The following PRKCE variants were observed in gnomAD, a reference collection of about 807,000 sequenced individuals.
PRKCE encodes protein kinase C epsilon type.
In PRKCE, 16 loss-of-function variants were observed where a neutral mutation model predicts 85.4. That is an observed-to-expected ratio of 0.19 (90% CI 0.13 to 0.28). The LOEUF is 0.28. Among genes scored for constraint, PRKCE ranks in the 10% least tolerant of loss-of-function variants. The pLI is 1.00. For missense variants in PRKCE, 573 were observed against 975.2 expected (o/e 0.59, Z 5.49); for synonymous variants, 388 against 371.5 (o/e 1.04, Z -0.51).
intron 1 of PRKCE, among the ~76,000 whole-genome samples, chr2:45,696,647 C>A (rs777876616): frequency 2.0e-5 from 3 of 152,188 alleles, no homozygotes; most frequent in Non-Finnish European, 4.4e-5. Flanking sequence ...TGACGAGTAG[C>A]TTTGGAGTCT....
chr2:45,778,555 A>T (rs997683514), intron 1 of PRKCE, among the ~76,000 whole-genome samples: 5 of 152,012 alleles, frequency 3.3e-5, no homozygotes, highest in Admixed American at 2.6e-4. Context: ...TACCCCACAC[A>T]CATCTCCCCC....
At chr2:45,663,479 C>G (rs1675769051) in intron 1 of PRKCE, among the ~76,000 whole-genome samples, 1 of 152,094 alleles carries the variant, frequency 6.6e-6, no homozygotes, top group Non-Finnish European at 1.5e-5. Flanking sequence ...AAAGGAGCCC[C>G]TCTAAACTGG....
intron 10 of PRKCE, among the ~76,000 whole-genome samples, chr2:46,031,886 A>T (rs1033699796): frequency 1.3e-5 from 2 of 152,078 alleles, no homozygotes; most frequent in African/African-American, 2.4e-5. Context: ...CATGGGAGAG[A>T]ATGCGAACTT....
At chr2:46,039,663 C>T (rs1708105469) in intron 10 of PRKCE, among the ~76,000 whole-genome samples, 1 of 152,176 alleles carries the variant, frequency 6.6e-6, no homozygotes, top group Non-Finnish European at 1.5e-5. Context: ...CAGCCTTCCT[C>T]TTCCAGAAGC....
chr2:46,129,417 A>G (rs536992729), intron 11 of PRKCE, among the ~76,000 whole-genome samples: 12 of 151,906 alleles, frequency 7.9e-5, no homozygotes, highest in East Asian at 5.8e-4. Context: ...TTACTCCTCA[A>G]CGTTATTTTA....
intron 11 of PRKCE, among the ~76,000 whole-genome samples, chr2:46,124,744 C>T (rs1340060794): frequency 6.6e-6 from 1 of 152,204 alleles, no homozygotes; most frequent in African/African-American, 2.4e-5. Flanking sequence ...CATTCCCAGT[C>T]TTCTATCTCT....
chr2:45,886,090 C>T (rs542454625), intron 2 of PRKCE, among the ~76,000 whole-genome samples: 2 of 152,292 alleles, frequency 1.3e-5, no homozygotes, highest in African/African-American at 4.8e-5. Context: ...CCACTGACCC[C>T]ACGTTTGCTG....
chr2:45,783,932 T>G lies in PRKCE; in HGVS notation c.349-59068T>G, dbSNP rs537202461. On this transcript the variant is annotated intron_variant, in intron 1 of 14. Coordinates refer to ENST00000306156, the MANE Select transcript of PRKCE (RefSeq NM_005400.3). The stretch of plus-strand genomic sequence containing the variant: ...ACTGCTGCAGCCTCCATTCATTTCT[T>G]TCTTCATCTTCCAGGCCATGACTTC... Among the ~76,000 whole-genome samples, 12 of 152,362 alleles carry G rather than the reference T, an allele frequency of 7.9e-5. No individual in the cohort carries two copies. In the South Asian group the frequency reaches 2.5e-3, roughly 32 times the overall value.
At chr2:45,710,049 G>T (rs1679479730) in intron 1 of PRKCE, among the ~76,000 whole-genome samples, 2 of 152,204 alleles carry the variant, frequency 1.3e-5, no homozygotes, top group Admixed American at 1.3e-4. Context: ...GACCTCAAGT[G>T]ATCCGGAAAG....
intron 2 of PRKCE, among the ~76,000 whole-genome samples, chr2:45,939,545 G>A (rs541031734): frequency 1.3e-4 from 20 of 149,564 alleles, no homozygotes; most frequent in African/African-American, 3.9e-4. Context: ...GATTCCAATG[G>A]CAGTTAGTTA....
rs934916896 is a variant in PRKCE, at chr2:46,155,642, C to G, written c.1921-3964C>G. ...CTCTGGATGGTCCCCCTCAAATCTGCTCACTCTCAAATTCCTTGGTTCAGT... is the reference window on the plus strand; with the variant it reads ...CTCTGGATGGTCCCCCTCAAATCTGGTCACTCTCAAATTCCTTGGTTCAGT... On this transcript the variant is annotated intron_variant, in intron 13 of 14. Coordinates refer to ENST00000306156, the MANE Select transcript of PRKCE (RefSeq NM_005400.3). The surrounding 1 kb of genome is among the most constrained non-coding windows in gnomAD (Gnocchi z 4.7). 5.9e-5 allele frequency among the ~76,000 whole-genome samples: 9 copies of G among 152,180 alleles called. No individual in the cohort carries two copies. The highest frequency in any genetic ancestry group is 1.2e-4 in the Non-Finnish European group (8 of 68,030).
chr2:45,938,956 G>A (rs977856678), intron 2 of PRKCE, among the ~76,000 whole-genome samples: 3 of 152,042 alleles, frequency 2.0e-5, no homozygotes, highest in Non-Finnish European at 2.9e-5. Flanking sequence ...GGAGTCTTGC[G>A]GCTGAGTCAA....
intron 1 of PRKCE, among the ~76,000 whole-genome samples, chr2:45,821,632 G>A (rs1047347166): frequency 1.3e-5 from 2 of 152,118 alleles, no homozygotes; most frequent in Admixed American, 1.3e-4. Flanking sequence ...ACTGGCATGT[G>A]TCGGGGGACT....
intron 2 of PRKCE, among the ~76,000 whole-genome samples, chr2:45,881,287 A>G (rs187088915): frequency 5.2e-4 from 79 of 152,344 alleles, no homozygotes; most frequent in African/African-American, 1.7e-3. Context: ...GGCAATCCAT[A>G]TATAGAACAT....
At chr2:45,817,010 T>C (rs1413324514) in intron 1 of PRKCE, among the ~76,000 whole-genome samples, 4 of 151,448 alleles carry the variant, frequency 2.6e-5, no homozygotes, top group African/African-American at 9.7e-5. Context: ...CACAGAACAT[T>C]GGGGACAAAG....
At chr2:45,876,186 A>G (rs1025490135) in intron 2 of PRKCE, among the ~76,000 whole-genome samples, 6 of 152,186 alleles carry the variant, frequency 3.9e-5, no homozygotes, top group African/African-American at 1.4e-4. Context: ...TTTCTAAACA[A>G]TCTTGCCTAA....
chr2:46,172,370 A>C (rs1006318169), intron 14 of PRKCE, among the ~76,000 whole-genome samples: 1 of 152,226 alleles, frequency 6.6e-6, no homozygotes, highest in Admixed American at 6.5e-5. Context: ...GGACTCATCC[A>C]TAATCAGGTG....
At chr2:45,848,167 C>T (rs977933917) in intron 2 of PRKCE, among the ~76,000 whole-genome samples, 1 of 152,208 alleles carries the variant, frequency 6.6e-6, no homozygotes, top group African/African-American at 2.4e-5. Context: ...GACGGGTTCT[C>T]TCAGATTCAA....
chr2:45,689,052 G>A (rs527580607), intron 1 of PRKCE, among the ~76,000 whole-genome samples: 5 of 152,358 alleles, frequency 3.3e-5, no homozygotes, highest in Non-Finnish European at 7.3e-5. Flanking sequence ...TGAATGTGCT[G>A]TGGGGCGTGC....
Sources: gnomAD v4.1 joint callset for allele counts (sites outside exome capture counted in the v4.1 genomes callset) on GRCh38, gnomAD v4.1.1 for gene constraint, Gnocchi (gnomAD v3.1) non-coding constraint, MANE v1.5 for transcripts, NCBI Gene and HGNC (gene_info 2026-07-23, HGNC 2026-07-21) for gene names.